PRKAR1A: variants seen among roughly 807,000 people sequenced by gnomAD.
PRKAR1A encodes protein kinase cAMP-dependent type I regulatory subunit alpha.
Under a neutral mutation model 52.0 loss-of-function variants are expected in PRKAR1A, and 3 were observed. That is an observed-to-expected ratio of 0.06 (90% CI 0.03 to 0.15). PRKAR1A has a LOEUF of 0.15. Among genes scored for constraint, PRKAR1A ranks in the 10% least tolerant of loss-of-function variants. PRKAR1A has a pLI of 1.00. For synonymous variants in PRKAR1A, 188 were observed against 168.4 expected, an observed-to-expected ratio of 1.12 and a Z score of -0.90; for missense variants, 240 against 477.4, an observed-to-expected ratio of 0.50 and a Z score of 4.63.
At chr17:68,548,529 CAAA>C (rs985971024) in intron 11 of PRKAR1A, among the ~76,000 whole-genome samples, 1 of 140,430 alleles carries the variant, frequency 7.1e-6, no homozygotes, top group Non-Finnish European at 1.6e-5. Context: ...GACTCTGTCT[CAAA>C]AAAAAAAAGT....
At chr17:68,470,373 C>G in the PRKAR1A span, among the ~76,000 whole-genome samples, 1 of 152,196 alleles carries the variant, frequency 6.6e-6, no homozygotes, top group African/African-American at 2.4e-5. Flanking sequence ...AGCCACCGTG[C>G]CCGGCCCATC....
the PRKAR1A span, among the ~76,000 whole-genome samples, chr17:68,462,046 T>C: frequency 6.6e-6 from 1 of 152,176 alleles, no homozygotes; most frequent in Admixed American, 6.6e-5. Context: ...TCTGGATTTA[T>C]TGATTAAAAG....
At chr17:68,539,221 C>G (rs1043946041) in intron 11 of PRKAR1A, 69 of 928,388 alleles carry the variant, frequency 7.4e-5, no homozygotes, top group Non-Finnish European at 1.2e-4. Flanking sequence ...TCATGTCATT[C>G]TACCCACTTA....
intron 11 of PRKAR1A, among the ~76,000 whole-genome samples, chr17:68,549,011 C>A (rs1306795233): frequency 6.6e-6 from 1 of 152,006 alleles, no homozygotes; most frequent in Non-Finnish European, 1.5e-5. Context: ...GGATTACAGG[C>A]GTGAGCCACC....
chr17:68,541,936 C>T, intron 11 of PRKAR1A: 18 of 1,580,922 alleles, frequency 1.1e-5, no homozygotes, highest in Non-Finnish European at 1.5e-5. Flanking sequence ...GGTACAGGGT[C>T]TGTGGCTACT....
At chr17:68,510,812 C>A (rs1050635498), upstream of PRKAR1A, among the ~76,000 whole-genome samples, 2 of 152,118 alleles carry the variant, frequency 1.3e-5, no homozygotes, top group Non-Finnish European at 2.9e-5. Flanking sequence ...TTGATATCGC[C>A]TATGTATCCC....
At chr17:68,539,906 A>C in intron 11 of PRKAR1A, 1 of 1,614,206 alleles carries the variant, frequency 6.2e-7, no homozygotes, top group Non-Finnish European at 8.5e-7. Flanking sequence ...GTCAAGGTGA[A>C]TAAGGAACCC....
chr17:68,513,537 G>A (rs1308674682), intron 1 of PRKAR1A, among the ~76,000 whole-genome samples: 2 of 152,202 alleles, frequency 1.3e-5, no homozygotes, highest in African/African-American at 4.8e-5. Context: ...GAATCTGAGT[G>A]TTTTGTTTTA....
the PRKAR1A span, chr17:68,424,417 GAA>G: frequency 1.9e-6 from 1 of 534,288 alleles, no homozygotes. Flanking sequence ...ATCTGCGGGA[GAA>G]AGAAGCCAGA....
chr17:68,541,136 G>A, intron 11 of PRKAR1A: 3 of 824,868 alleles, frequency 3.6e-6, no homozygotes, highest in Non-Finnish European at 5.5e-6. Context: ...CATATTCCGT[G>A]TGGTGAGAAG....
intron 7 of PRKAR1A, among the ~76,000 whole-genome samples, chr17:68,526,152 G>A (rs961001518): frequency 1.3e-5 from 2 of 152,190 alleles, no homozygotes; most frequent in Non-Finnish European, 1.5e-5. Context: ...ACAAGATCTG[G>A]TATATATGTG....
the PRKAR1A span, among the ~76,000 whole-genome samples, chr17:68,506,109 C>A: frequency 2.0e-5 from 3 of 152,174 alleles, no homozygotes; most frequent in African/African-American, 4.8e-5. Flanking sequence ...ATACAATAAC[C>A]AAACTGAGAA....
At chr17:68,529,183 C>T (rs372986998) in intron 9 of PRKAR1A, among the ~76,000 whole-genome samples, 192 bp downstream of exon 9, 1 of 152,028 alleles carries the variant, frequency 6.6e-6, no homozygotes. Context: ...GGTTTTCTGC[C>T]AGGTCACTAT....
chr17:68,533,886 C>T (rs1007556881), downstream of PRKAR1A, among the ~76,000 whole-genome samples: 9 of 152,250 alleles, frequency 5.9e-5, no homozygotes, highest in African/African-American at 2.2e-4. Flanking sequence ...TGCCATCACA[C>T]CCAGCTAGTT....
the PRKAR1A span, among the ~76,000 whole-genome samples, chr17:68,455,766 T>G: frequency 6.6e-6 from 1 of 152,274 alleles, no homozygotes; most frequent in African/African-American, 2.4e-5. Context: ...GACTTTGCGT[T>G]ATTTAATGGC....
chr17:68,547,636 TTC>T (rs2086631304), intron 11 of PRKAR1A, among the ~76,000 whole-genome samples: 1 of 152,232 alleles, frequency 6.6e-6, no homozygotes, highest in Non-Finnish European at 1.5e-5. Flanking sequence ...TTCTGCAGCT[TTC>T]TCACCTGTCT....
chr17:68,524,856 T>G, intron 5 of PRKAR1A, 56 bp from the exon 6 acceptor site: 1 of 1,350,666 alleles, frequency 7.4e-7, no homozygotes, highest in Non-Finnish European at 1.1e-6. Context: ...GTAATAATTT[T>G]GATAATTTCT....
chr17:68,522,511 T>C (rs1170259797), intron 2 of PRKAR1A, among the ~76,000 whole-genome samples: 3 of 152,222 alleles, frequency 2.0e-5, no homozygotes, highest in African/African-American at 7.2e-5. Flanking sequence ...TACTAATGGC[T>C]TGTACTAATG....
chr17:68,462,544 G>T, the PRKAR1A span, among the ~76,000 whole-genome samples: 2 of 152,306 alleles, frequency 1.3e-5, no homozygotes, highest in East Asian at 1.9e-4. Context: ...CTTCTCATGT[G>T]ACGCTAACCA....
Sources: gnomAD v4.1 joint callset for allele counts (sites outside exome capture counted in the v4.1 genomes callset) on GRCh38, gnomAD v4.1.1 for gene constraint, MANE v1.5 for transcripts, NCBI Gene and HGNC (gene_info 2026-07-23, HGNC 2026-07-21) for gene names.